The following LCP1 variants were observed in gnomAD, a reference collection of about 807,000 sequenced individuals.
The protein encoded by LCP1 is lymphocyte cytosolic protein 1.
A neutral mutation model predicts 72.0 loss-of-function variants in LCP1; 23 were observed. The ratio of observed to expected loss-of-function variants is 0.32; its 90% CI spans 0.23 to 0.45. LCP1 has a LOEUF of 0.45. Among genes scored for constraint, LCP1 ranks in the 20% least tolerant of loss-of-function variants. LCP1 has a pLI of 1.00. For missense variants in LCP1, 571 were observed against 748.3 expected, an observed-to-expected ratio of 0.76 and a Z score of 2.76; for synonymous variants, 245 against 275.4, an observed-to-expected ratio of 0.89 and a Z score of 1.09.
At chr13:46,149,648 G>T (rs576728237) in intron 8 of LCP1, among the ~76,000 whole-genome samples, 3 of 152,144 alleles carry the variant, frequency 2.0e-5, no homozygotes, top group Non-Finnish European at 2.9e-5. Flanking sequence ...GCCATGCAGC[G>T]GCTGCCAGAG....
chr13:46,136,584 C>T (rs2045666458), intron 13 of LCP1, among the ~76,000 whole-genome samples: 1 of 152,046 alleles, frequency 6.6e-6, no homozygotes, highest in Non-Finnish European at 1.5e-5. Context: ...GGGGTAAGTG[C>T]AGATAGATTT....
chr13:46,177,103 C>T (rs1350790613), intron 1 of LCP1, among the ~76,000 whole-genome samples: 1 of 152,204 alleles, frequency 6.6e-6, no homozygotes, highest in Non-Finnish European at 1.5e-5. Context: ...GCTGACACAG[C>T]CATGGCTCTG....
intron 1 of LCP1, among the ~76,000 whole-genome samples, chr13:46,174,952 T>C (rs17647647): frequency 0.18 from 27,503 of 151,888 alleles, 3,094 homozygotes; most frequent in South Asian, 0.32. Flanking sequence ...TAGTGGATCA[T>C]GTTAGAAGAT....
At position 46,142,406 on chromosome 13, in the gene LCP1, G is replaced by T; in HGVS notation, c.1388C>A (p.Ala463Glu). The T allele has an allele frequency of 6.2e-7, 1 of 1,613,604 alleles. No individual in the cohort carries two copies. The highest frequency in any genetic ancestry group is 8.5e-7 in the Non-Finnish European group (1 of 1,179,720). ...NMKKLENCNY[A>E]VELGKNQAKF... ...CGCTTGATTCTTCCCCAATTCTACC[G>T]CGTAGTTACAATTCTCAAGCTGAAT... The change falls in exon 13 of 16, where the codon GCG (alanine) becomes GAG (glutamate). Residue 463 changes from alanine to glutamate, a missense_variant. Coordinates refer to ENST00000323076, the MANE Select transcript of LCP1 (RefSeq NM_002298.5).
At chr13:46,136,122 T>C (rs1013530371) in intron 13 of LCP1, among the ~76,000 whole-genome samples, 1 of 148,124 alleles carries the variant, frequency 6.8e-6, no homozygotes, top group African/African-American at 2.5e-5. Flanking sequence ...CAAAGACCTA[T>C]ACACATTTCA....
At chr13:46,180,976 C>T (rs1334558966) in intron 1 of LCP1, among the ~76,000 whole-genome samples, 2 of 152,190 alleles carry the variant, frequency 1.3e-5, no homozygotes, top group Non-Finnish European at 2.9e-5. Flanking sequence ...CAGAAATTCA[C>T]ATTTATAGGT....
intron 1 of LCP1, among the ~76,000 whole-genome samples, chr13:46,160,398 CTT>C (rs969282533): frequency 9.2e-5 from 14 of 152,310 alleles, no homozygotes; most frequent in African/African-American, 3.1e-4. Context: ...AAACACTTCA[CTT>C]TTACATAAAT....
chr13:46,144,316 C>CT, intron 11 of LCP1, 126 bp downstream of exon 11: 1 of 727,696 alleles, frequency 1.4e-6, no homozygotes, highest in Non-Finnish European at 2.3e-6. Flanking sequence ...CAACTTGGCA[C>CT]TTTTTCCCCT....
At chr13:46,170,298 C>T (rs1334216171) in intron 1 of LCP1, among the ~76,000 whole-genome samples, 1 of 152,230 alleles carries the variant, frequency 6.6e-6, no homozygotes, top group Non-Finnish European at 1.5e-5. Flanking sequence ...GTCTAAAGGG[C>T]AGCTGCTGGC....
chr13:46,149,978 A>C (rs2146878), intron 8 of LCP1, among the ~76,000 whole-genome samples: 1 of 152,028 alleles, frequency 6.6e-6, no homozygotes, highest in East Asian at 1.9e-4. Context: ...ATCCTAAAAA[A>C]TGGGGGCTTT....
At chr13:46,181,902 C>G (rs1024613400) in intron 1 of LCP1, among the ~76,000 whole-genome samples, 1 of 152,118 alleles carries the variant, frequency 6.6e-6, no homozygotes, top group Non-Finnish European at 1.5e-5. Context: ...AAGAACCCAG[C>G]CCAGAGAGCC....
intron 15 of LCP1, 145 bp downstream of exon 15, chr13:46,130,669 G>T: frequency 5.7e-6 from 5 of 873,738 alleles, no homozygotes; most frequent in Admixed American, 2.9e-5. Flanking sequence ...CAGTGATGAT[G>T]AGACTGCAGA....
intron 1 of LCP1, among the ~76,000 whole-genome samples, chr13:46,179,769 G>GT (rs369236479): frequency 1.2e-3 from 176 of 152,214 alleles, no homozygotes; most frequent in Non-Finnish European, 1.6e-3. Flanking sequence ...GGATGGGGTA[G>GT]TGGGAGGTTG....
At chr13:46,167,807 G>A (rs2045884865) in intron 1 of LCP1, among the ~76,000 whole-genome samples, 1 of 152,178 alleles carries the variant, frequency 6.6e-6, no homozygotes. Flanking sequence ...TAGGGGGTTG[G>A]TGAGGGGCTT....
intron 13 of LCP1, among the ~76,000 whole-genome samples, chr13:46,136,086 C>T (rs2045663456): frequency 8.3e-6 from 1 of 120,028 alleles, no homozygotes; most frequent in African/African-American, 4.1e-5. Context: ...CACACACACA[C>T]ACACACACAC....
chr13:46,149,659 AACAGGC>A (rs1258882318), intron 8 of LCP1, among the ~76,000 whole-genome samples: 3 of 152,228 alleles, frequency 2.0e-5, no homozygotes, highest in Non-Finnish European at 2.9e-5. Context: ...GCTGCCAGAG[AACAGGC>A]ACAACACTGT....
intron 12 of LCP1, chr13:46,142,933 C>T (rs146012419): frequency 3.5e-4 from 124 of 349,732 alleles, no homozygotes; most frequent in Non-Finnish European, 5.7e-4. Flanking sequence ...TGTTGACAGT[C>T]GACAAACTGT....
chr13:46,142,748 G>A (rs1224930866), intron 12 of LCP1: 1 of 483,588 alleles, frequency 2.1e-6, no homozygotes, highest in Admixed American at 2.3e-5. Context: ...TAAAAAAGGT[G>A]AATTCATGGA....
intron 1 of LCP1, among the ~76,000 whole-genome samples, chr13:46,163,514 C>T (rs974162924): frequency 1.3e-5 from 2 of 152,170 alleles, no homozygotes; most frequent in Admixed American, 1.3e-4. Flanking sequence ...GCCGCAGGGT[C>T]CTCTGCCTAG....
Sources: gnomAD v4.1 joint callset for allele counts (sites outside exome capture counted in the v4.1 genomes callset) on GRCh38, gnomAD v4.1.1 for gene constraint, MANE v1.5 for transcripts, NCBI Gene and HGNC (gene_info 2026-07-23, HGNC 2026-07-21) for gene names.